Variants in PINX1 observed in about 807,000 individuals in gnomAD.
PINX1 encodes the protein PIN2/TERF1-interacting telomerase inhibitor 1.
Under a neutral mutation model 25.4 loss-of-function variants are expected in PINX1, and 34 were observed. That is an observed-to-expected ratio of 1.34 (90% confidence interval 1.02 to 1.78). The LOEUF is 1.78. Ranked by LOEUF, PINX1 falls within the 40% of genes most tolerant of loss-of-function variation. The pLI, the probability that PINX1 is intolerant of heterozygous loss-of-function variation, is 0.00. For synonymous variants in PINX1, 197 were observed against 147.7 expected, an observed-to-expected ratio of 1.33 and a Z score of -2.42; for missense variants, 592 against 404.9, an observed-to-expected ratio of 1.46 and a Z score of -3.97.
At chr8:10,774,143 C>T (rs937921128) in intron 6 of PINX1, among the ~76,000 whole-genome samples, 2 of 152,216 alleles carry the variant, frequency 1.3e-5, no homozygotes, top group Non-Finnish European at 1.5e-5. Context: ...TCTGTCTCTT[C>T]CATCTTTATT....
chr8:10,818,398 A>G (rs1424699547), intron 6 of PINX1, among the ~76,000 whole-genome samples: 1 of 152,224 alleles, frequency 6.6e-6, no homozygotes, highest in Non-Finnish European at 1.5e-5. Context: ...AAGGCACCCA[A>G]CACCCAATAA....
At chr8:10,798,463 T>G (rs1802160072) in intron 6 of PINX1, among the ~76,000 whole-genome samples, 1 of 152,218 alleles carries the variant, frequency 6.6e-6, no homozygotes, top group South Asian at 2.1e-4. Context: ...GAAGTTACAC[T>G]TCCACTTGAT....
chr8:10,828,575 C>T (rs6989846), intron 4 of PINX1, among the ~76,000 whole-genome samples: 31,486 of 152,148 alleles, frequency 0.21, 3,396 homozygotes, highest in Middle Eastern at 0.3. Context: ...CCTCACAGAG[C>T]AGCTCTCTCA....
At chr8:10,777,929 C>T (rs534603107) in intron 6 of PINX1, among the ~76,000 whole-genome samples, 9 of 152,304 alleles carry the variant, frequency 5.9e-5, no homozygotes, top group African/African-American at 2.2e-4. Flanking sequence ...TATCTGCACA[C>T]CCAGCAATCT....
chr8:10,776,007 C>G (rs1035722924), intron 6 of PINX1, among the ~76,000 whole-genome samples: 8 of 152,138 alleles, frequency 5.3e-5, no homozygotes, highest in African/African-American at 1.9e-4. Context: ...TGCTAGAACT[C>G]TATGGAATCC....
chr8:10,798,735 T>G (rs1802168315), intron 6 of PINX1, among the ~76,000 whole-genome samples: 1 of 152,318 alleles, frequency 6.6e-6, no homozygotes. Flanking sequence ...TGAATTATTT[T>G]CAGTCTAATG....
chr8:10,829,114 C>G (rs999092618), intron 4 of PINX1, among the ~76,000 whole-genome samples: 1 of 151,786 alleles, frequency 6.6e-6, no homozygotes, highest in Non-Finnish European at 1.5e-5. Context: ...GGTGAAACCC[C>G]GTCTCTATTA....
chr8:10,825,940 T>C (rs1798024136), intron 5 of PINX1, among the ~76,000 whole-genome samples: 1 of 152,236 alleles, frequency 6.6e-6, no homozygotes, highest in South Asian at 2.1e-4. Context: ...AAACCTAATC[T>C]GGGTCCCATC....
At chr8:10,828,593 G>C (rs768985707) in intron 4 of PINX1, among the ~76,000 whole-genome samples, 13 of 152,208 alleles carry the variant, frequency 8.5e-5, no homozygotes, top group Non-Finnish European at 1.8e-4. Flanking sequence ...TCAGCCTTGA[G>C]AGGGCAGAAG....
At chr8:10,799,116 T>TA (rs1413064152) in intron 6 of PINX1, among the ~76,000 whole-genome samples, 2 of 147,408 alleles carry the variant, frequency 1.4e-5, no homozygotes, top group South Asian at 4.3e-4. Context: ...ACACAGTATT[T>TA]AAAAAAAGGT....
chr8:10,825,352 C>G (rs140227707), intron 5 of PINX1: 2 of 534,604 alleles, frequency 3.7e-6, no homozygotes. Context: ...CAGGAAAGAA[C>G]CATCAACAGA....
chr8:10,820,169 C>A (rs765502239), intron 6 of PINX1, 24 bp downstream of exon 6: 1 of 1,461,102 alleles, frequency 6.8e-7, no homozygotes, highest in Non-Finnish European at 9.6e-7. Flanking sequence ...AAGCGGAACA[C>A]GGAAACTGTA....
intron 5 of PINX1, among the ~76,000 whole-genome samples, chr8:10,820,600 CTCTGGG>C (rs1034171238): frequency 1.3e-5 from 2 of 152,116 alleles, no homozygotes; most frequent in Non-Finnish European, 2.9e-5. Flanking sequence ...ATTCCTGGGT[CTCTGGG>C]TTCTTCATTT....
chr8:10,839,637 C>A, intron 1 of PINX1, 101 bp downstream of exon 1: 2 of 1,230,278 alleles, frequency 1.6e-6, no homozygotes, highest in Non-Finnish European at 2.3e-6. Flanking sequence ...ATGCGCCAGG[C>A]GCGCCGGCAA....
intron 6 of PINX1, among the ~76,000 whole-genome samples, chr8:10,803,763 G>C (rs1292596169): frequency 6.6e-6 from 1 of 152,088 alleles, no homozygotes; most frequent in African/African-American, 2.4e-5. Flanking sequence ...ATAAATAGTA[G>C]GTTCTTTATT....
At chr8:10,799,706 C>T (rs1802205122) in intron 6 of PINX1, among the ~76,000 whole-genome samples, 1 of 152,196 alleles carries the variant, frequency 6.6e-6, no homozygotes, top group African/African-American at 2.4e-5. Context: ...ACAATCCCTG[C>T]ATGTCTGAGT....
chr8:10,796,106 G>A (rs7840610), intron 6 of PINX1, among the ~76,000 whole-genome samples: 4,784 of 152,256 alleles, frequency 0.031, 274 homozygotes, highest in African/African-American at 0.11. Flanking sequence ...AAATGATAAC[G>A]GGATGGGAGA....
chr8:10,769,815 CT>C (rs1253933573), intron 6 of PINX1, among the ~76,000 whole-genome samples: 1 of 152,186 alleles, frequency 6.6e-6, no homozygotes, highest in African/African-American at 2.4e-5. Context: ...ACCCCGACTC[CT>C]AGCTCCCACC....
At chr8:10,807,332 C>CA (rs977765163) in intron 6 of PINX1, among the ~76,000 whole-genome samples, 1 of 95,930 alleles carries the variant, frequency 1.0e-5, no homozygotes, top group Non-Finnish European at 2.0e-5. Context: ...CCCCCACCCC[C>CA]CCCCCCACCA....
Sources: allele counts gnomAD v4.1 joint callset (sites outside exome capture counted in the v4.1 genomes callset), GRCh38; gene constraint gnomAD v4.1.1; transcripts MANE v1.5; gene names NCBI Gene and HGNC (gene_info 2026-07-23, HGNC 2026-07-21).